Variants in PTPRD observed in about 807,000 individuals in gnomAD.
PTPRD encodes protein tyrosine phosphatase receptor type D.
Under a neutral mutation model 214.5 loss-of-function variants are expected in PTPRD, and 34 were observed. The observed-to-expected ratio is 0.16, with a 90% CI of 0.12 to 0.21. The LOEUF (loss-of-function observed/expected upper bound fraction) is 0.21. Ranked by LOEUF, PTPRD falls within the 10% of genes least tolerant of loss-of-function variation. The probability of loss-of-function intolerance (pLI) is 1.00; values close to 1 mark genes in which losing one functional copy is unlikely to be tolerated. For synonymous variants in PTPRD, 1,128 were observed against 845.7 expected (o/e 1.33, Z -5.79); for missense variants, 2,545 against 2,398.7 (o/e 1.06, Z -1.27).
chr9:10,048,609 C>G (rs2097453192), intron 3 of PTPRD, among the ~76,000 whole-genome samples: 1 of 151,974 alleles, frequency 6.6e-6, no homozygotes, highest in South Asian at 2.1e-4. Context: ...TAAAACCACT[C>G]TAGAAACTGC....
chr9:8,810,175 T>C (rs1056965273), intron 11 of PTPRD, among the ~76,000 whole-genome samples: 1 of 152,184 alleles, frequency 6.6e-6, no homozygotes, highest in African/African-American at 2.4e-5. Flanking sequence ...AAAGCTAGAA[T>C]TGCATAACTC....
intron 3 of PTPRD, among the ~76,000 whole-genome samples, chr9:10,186,441 T>G (rs2099330489): frequency 6.6e-6 from 1 of 152,242 alleles, no homozygotes; most frequent in African/African-American, 2.4e-5. Flanking sequence ...TTTATCACAT[T>G]AATGCAACAC....
chr9:8,766,993 C>T (rs74845870), intron 11 of PTPRD, among the ~76,000 whole-genome samples: 1 of 152,126 alleles, frequency 6.6e-6, no homozygotes, highest in Non-Finnish European at 1.5e-5. Context: ...TTCCTTTCAA[C>T]TCTGGTATGC....
At chr9:9,887,609 C>T (rs984083378) in intron 5 of PTPRD, among the ~76,000 whole-genome samples, 1 of 152,122 alleles carries the variant, frequency 6.6e-6, no homozygotes, top group African/African-American at 2.4e-5. Context: ...CATCAGTGTA[C>T]CATGTACTCA....
At chr9:9,967,798 A>C (rs1226928482) in intron 4 of PTPRD, among the ~76,000 whole-genome samples, 1 of 152,212 alleles carries the variant, frequency 6.6e-6, no homozygotes, top group Non-Finnish European at 1.5e-5. Flanking sequence ...TTGAAAGGTA[A>C]ATCAAAGAGA....
intron 4 of PTPRD, among the ~76,000 whole-genome samples, chr9:9,947,849 T>C (rs1293477113): frequency 6.6e-6 from 1 of 150,392 alleles, no homozygotes; most frequent in Non-Finnish European, 1.5e-5. Flanking sequence ...TTTTGTTAAA[T>C]CAGCCATCCC....
intron 3 of PTPRD, among the ~76,000 whole-genome samples, chr9:10,099,107 T>C (rs72694847): frequency 0.036 from 5,481 of 151,882 alleles, 175 homozygotes; most frequent in Admixed American, 0.092. Flanking sequence ...TTGAGTTCCA[T>C]AGAAGCTCAT....
At chr9:8,924,535 T>C (rs1156487225) in intron 11 of PTPRD, among the ~76,000 whole-genome samples, 1 of 152,046 alleles carries the variant, frequency 6.6e-6, no homozygotes, top group Non-Finnish European at 1.5e-5. Flanking sequence ...ATCAAAGTGG[T>C]ACCTGAATTT....
At chr9:9,497,393 G>A (rs2096241737) in intron 8 of PTPRD, among the ~76,000 whole-genome samples, 1 of 151,996 alleles carries the variant, frequency 6.6e-6, no homozygotes, top group Non-Finnish European at 1.5e-5. Flanking sequence ...AGTCCATTTT[G>A]GAAATAGATT....
intron 10 of PTPRD, among the ~76,000 whole-genome samples, chr9:9,164,301 C>G (rs1370073050): frequency 2.0e-5 from 3 of 152,144 alleles, no homozygotes; most frequent in Non-Finnish European, 4.4e-5. Context: ...AGCAGGCCAT[C>G]TTTAACTTTC....
At chr9:10,109,740 G>A (rs1472557233) in intron 3 of PTPRD, among the ~76,000 whole-genome samples, 1 of 152,232 alleles carries the variant, frequency 6.6e-6, no homozygotes, top group Admixed American at 6.5e-5. Flanking sequence ...TATTACTAGT[G>A]GTTGATAAAG....
chr9:10,306,278 G>C (rs529414627), intron 3 of PTPRD, among the ~76,000 whole-genome samples: 9 of 137,532 alleles, frequency 6.5e-5, no homozygotes, highest in African/African-American at 1.4e-4. Context: ...GTCGTGGGGT[G>C]GGGGGGGCTA....
In PTPRD at chr9:10,280,694, C is replaced by G. The variant is rs147293741; in HGVS notation, c.-545+60269G>C. Among the ~76,000 whole-genome samples, 1,519 of 152,126 alleles carry G rather than the reference C, an allele frequency of 1.0e-2. 12 individuals are homozygous for G. Among genetic ancestry groups the G allele is most frequent in the Non-Finnish European group, 0.015 (1,012 of 67,968 alleles). ...TCAGATCATATAGCTTGCTGCTGCC[C>G]CAACCTCCTAGATTCAAGTGTTCCC... On this transcript the variant is annotated intron_variant, in intron 3 of 45. Transcript: ENST00000381196.
At chr9:8,722,121 CTCTGTG>C (rs2098505933) in intron 12 of PTPRD, among the ~76,000 whole-genome samples, 4 of 104,426 alleles carry the variant, frequency 3.8e-5, no homozygotes, top group African/African-American at 1.4e-4. Context: ...TTAAGTATTA[CTCTGTG>C]TGTGTGTGTG....
chr9:8,657,103 T>C (rs1231829661), intron 12 of PTPRD, among the ~76,000 whole-genome samples: 1 of 152,136 alleles, frequency 6.6e-6, no homozygotes, highest in Non-Finnish European at 1.5e-5. Flanking sequence ...TTTTCTTTCA[T>C]ATGTTTGTTG....
intron 11 of PTPRD, among the ~76,000 whole-genome samples, chr9:8,759,625 T>TC (rs140674493): frequency 0.41 from 61,035 of 150,312 alleles, 15,128 homozygotes; most frequent in Non-Finnish European, 0.53. Flanking sequence ...CTTTTTTTTT[T>TC]TTTTTTGTCC....
At chr9:10,177,780 A>T (rs1483730573) in intron 3 of PTPRD, among the ~76,000 whole-genome samples, 1 of 151,822 alleles carries the variant, frequency 6.6e-6, no homozygotes, top group Admixed American at 6.6e-5. Flanking sequence ...TATGTTCTGG[A>T]GGGGTCATAT....
Position 10,543,457 on chromosome 9 carries a change from T to C in PTPRD, c.-600+68941A>G, listed in dbSNP as rs200897814. On this transcript the variant is annotated intron_variant, in intron 2 of 45. Coordinates refer to ENST00000381196, the MANE Select transcript of PTPRD (RefSeq NM_002839.4). ...TCTGGTTTCCTTAACTCTACCAGTTTGAAGAGTTTAATATATATATATACA... is the reference window on the plus strand; with the variant it reads ...TCTGGTTTCCTTAACTCTACCAGTTCGAAGAGTTTAATATATATATATACA... Among the ~76,000 whole-genome samples the C allele has an allele frequency of 8.1e-5, 12 of 148,706 alleles. No individual in the cohort carries two copies. In the East Asian group the frequency reaches 2.4e-3, roughly 30 times the overall value.
intron 10 of PTPRD, among the ~76,000 whole-genome samples, chr9:9,021,657 A>G (rs1248004350): frequency 6.6e-6 from 1 of 152,156 alleles, no homozygotes; most frequent in East Asian, 1.9e-4. Context: ...AAGATCTTCT[A>G]GTGGGACAAG....
Sources: allele counts gnomAD v4.1 joint callset (sites outside exome capture counted in the v4.1 genomes callset), GRCh38; gene constraint gnomAD v4.1.1; transcripts MANE v1.5; gene names NCBI Gene and HGNC (gene_info 2026-07-23, HGNC 2026-07-21).